Variants in ABCC11 observed in about 807,000 individuals in gnomAD.
ABCC11 encodes the protein ATP-binding cassette sub-family C member 11.
A neutral mutation model predicts 149.3 loss-of-function variants in ABCC11; 135 were observed. That is an observed-to-expected ratio of 0.90 (90% CI 0.79 to 1.04). The LOEUF is 1.04. ABCC11 is among the 50% of genes least tolerant of loss of function. ABCC11 has a pLI of 0.00. For synonymous variants in ABCC11, 665 were observed against 671.4 expected, an observed-to-expected ratio of 0.99 and a Z score of 0.15; for missense variants, 1,680 against 1,722.1, an observed-to-expected ratio of 0.98 and a Z score of 0.43.
intron 22 of ABCC11, 101 bp from the exon 23 acceptor site, chr16:48,184,727 C>T (rs1966652737): frequency 8.3e-7 from 1 of 1,204,850 alleles, no homozygotes; most frequent in South Asian, 1.5e-5. Flanking sequence ...TCCAGTTCCC[C>T]ACTCCCAGCA....
rs995975849 is a variant in ABCC11 at position 48,210,874 on chromosome 16, A to G, written c.1608+74T>C. The G allele has an allele frequency of 8.6e-5, 134 of 1,551,536 alleles. 5 individuals are homozygous for G. In the Admixed American group the frequency reaches 2.5e-3, roughly 29 times the overall value. On this transcript the variant is annotated intron_variant, in intron 11 of 29. Transcript: ENST00000356608. ...TTTTTAACCAAGGAAATGGTGGGGCACCTGGCCAAGCTCCTAGCCTCAGGT... is the reference window on the plus strand; with the variant it reads ...TTTTTAACCAAGGAAATGGTGGGGCGCCTGGCCAAGCTCCTAGCCTCAGGT...
At chr16:48,231,973 C>A in intron 1 of ABCC11, 34 bp from the exon 2 acceptor site, 10 of 1,612,310 alleles carry the variant, frequency 6.2e-6, no homozygotes, top group Non-Finnish European at 7.6e-6. Flanking sequence ...TATGAAAAGA[C>A]AGCAGGAGTT....
intron 5 of ABCC11, chr16:48,223,838 C>T (rs561845009): frequency 2.6e-5 from 4 of 153,118 alleles, no homozygotes; most frequent in Admixed American, 6.5e-5. Context: ...CAGAGTTGCT[C>T]AGCCATTTCT....
intron 1 of ABCC11, among the ~76,000 whole-genome samples, chr16:48,235,777 A>T (rs1761627719): frequency 6.6e-6 from 1 of 152,238 alleles, no homozygotes; most frequent in Non-Finnish European, 1.5e-5. Flanking sequence ...AATAGAGAGG[A>T]AACAGCAGAT....
chr16:48,210,980 C>G lies in ABCC11; in HGVS notation c.1576G>C (p.Glu526Gln), dbSNP rs1968872201. The G allele has an allele frequency of 1.2e-6, 2 of 1,614,206 alleles. No individual in the cohort carries two copies. The highest frequency in any genetic ancestry group is 1.7e-6 in the Non-Finnish European group (2 of 1,180,052). Residue 526 changes from glutamate to glutamine, a missense_variant, in exon 11 of 30, where the codon GAG (glutamate) becomes CAG (glutamine). Transcript: ENST00000356608. ...ACCACCAGGTTGATCTTGTGCAACT[C>G]TGGGCCCAGGCTGTTCCCTTCTTCC... ...PEEEGNSLGP[E>Q]LHKINLVVSK...
intron 26 of ABCC11, among the ~76,000 whole-genome samples, chr16:48,171,207 G>A (rs1304632938): frequency 6.6e-6 from 1 of 152,198 alleles, no homozygotes; most frequent in Non-Finnish European, 1.5e-5. Context: ...ATGTGTTCCA[G>A]GGCAGGCTCC....
In ABCC11 at chr16:48,170,942, G is replaced by C. The variant is rs1261873200; in HGVS notation, c.3724C>G (p.His1242Asp). 6 of 1,613,784 alleles carry C rather than the reference G, an allele frequency of 3.7e-6. No individual in the cohort carries two copies. In the East Asian group the frequency reaches 6.7e-5, roughly 18 times the overall value. ...GCATCCCAGATCTGCTGGTCAGTGT[G>C]ACGGTCAAAGGGATCTAGGTTGAAT... ...IRFNLDPFDR[H>D]TDQQIWDALE... is the part of the protein sequence containing the mutation. The change falls in exon 27 of 30, where the codon CAC becomes GAC. Residue 1242 changes from histidine (H) to aspartate (D), a missense_variant. By Grantham distance (81) the His-to-Asp change is moderately conservative. Coordinates refer to ENST00000356608, the MANE Select transcript of ABCC11 (RefSeq NM_001370497.1).
Position 48,192,634 on chromosome 16 carries a change from C to G in ABCC11, c.2592G>C (p.Leu864=), listed in dbSNP as rs537304567. 2.8e-5 allele frequency: 46 copies of G among 1,614,192 alleles called. 1 individual carries two copies. In the South Asian group the frequency reaches 4.8e-4, roughly 17 times the overall value. The change falls in exon 20 of 30, where the codon CTG becomes CTC. Residue 864 remains leucine (L), a synonymous_variant. Transcript: ENST00000356608. ...ADNPQLSFYQ[L]VYGLNALLLI... is the part of the protein sequence containing the mutation. ...GGAGCAGGGCGTTGAGCCCGTACAC[C>G]AGCTGGTAGAAGGACAGTTGAGGAT... is the stretch of plus-strand genomic sequence containing the variant.
chr16:48,196,060 G>A (rs184712715), intron 18 of ABCC11, among the ~76,000 whole-genome samples, 172 bp downstream of exon 18: 1 of 152,260 alleles, frequency 6.6e-6, no homozygotes, highest in East Asian at 1.9e-4. Context: ...CCTTGGCTTT[G>A]GTGGTAGAGT....
At chr16:48,209,770 CTCGACT>C (rs1268084423) in intron 11 of ABCC11, 1 of 152,138 alleles carries the variant, frequency 6.6e-6, no homozygotes, top group East Asian at 1.9e-4. Context: ...GCACTAAAAT[CTCGACT>C]TCACCACAAT....
chr16:48,195,088 A>G (rs1967273750), intron 18 of ABCC11, among the ~76,000 whole-genome samples: 1 of 152,160 alleles, frequency 6.6e-6, no homozygotes, highest in South Asian at 2.1e-4. Context: ...CCGTGCCCAC[A>G]GTCTTTTCCC....
chr16:48,192,547 C>T lies in ABCC11; in HGVS notation c.2679G>A (p.Thr893=), dbSNP rs144318062. 725 of 1,614,238 alleles carry T rather than the reference C, an allele frequency of 4.5e-4. No individual in the cohort carries two copies. The highest frequency in any genetic ancestry group is 1.1e-3 in the Admixed American group (64 of 60,030). The change falls in exon 20 of 30, where the codon ACG becomes ACA. Residue 893 remains threonine, a synonymous_variant. Transcript: ENST00000356608. The part of the protein sequence containing the change: ...IFTKVTRKAS[T]ALHNKLFNKV... ...TGTTGAAGAGCTTGTTGTGCAGGGC[C>T]GTGGATGCCTTCCTCGTGACCTTGG...
In ABCC11 at chr16:48,167,108, A is replaced by C; in HGVS notation, c.*166T>G. On this transcript the variant is annotated 3_prime_UTR_variant, in exon 30 of 30. Coordinates refer to ENST00000356608, the MANE Select transcript of ABCC11 (RefSeq NM_001370497.1). ...GGTCTTGAGAGCCATCAAGTAGCCT[A>C]TTCCAGGGTTTCCATCCAGCAATCC... 5.1e-5 allele frequency: 31 copies of C among 606,140 alleles called. No homozygotes were observed. The highest frequency in any genetic ancestry group is 1.4e-4 in the East Asian group (5 of 35,262). 37.5% of individuals were successfully genotyped at this position (606,140 alleles called of 1,614,324 possible).
chr16:48,238,172 A>G (rs1321167298), intron 1 of ABCC11, among the ~76,000 whole-genome samples: 3 of 152,232 alleles, frequency 2.0e-5, no homozygotes, highest in African/African-American at 7.2e-5. Context: ...CAGTGAATGA[A>G]TGAAAGAAGG....
intron 19 of ABCC11, among the ~76,000 whole-genome samples, chr16:48,193,248 A>G (rs1000266390): frequency 1.3e-5 from 2 of 152,182 alleles, no homozygotes; most frequent in Admixed American, 6.5e-5. Context: ...AAATCCTTGG[A>G]AGCTCTAAAT....
In ABCC11 at chr16:48,198,176, G is replaced by A. The variant is rs763711332; in HGVS notation, c.2182C>T (p.Gln728Ter). 1.9e-6 allele frequency: 3 copies of A among 1,614,132 alleles called. No homozygotes were observed. The highest frequency in any genetic ancestry group is 1.1e-5 in the South Asian group (1 of 91,080). ...TCCTTGTGCATCTTCTGGATAAGTTGGGCATATTTCCCCTTTTTCTGCATT... is the reference window on the plus strand; with the variant it reads ...TCCTTGTGCATCTTCTGGATAAGTTAGGCATATTTCCCCTTTTTCTGCATT... ...ELMQKKGKYA[Q>*]LIQKMHKEAT... Residue 728 changes from glutamine (Q) to a stop codon, truncating the protein, a stop_gained, in exon 16 of 30, where the codon CAA becomes TAA. Coordinates refer to ENST00000356608, the MANE Select transcript of ABCC11 (RefSeq NM_001370497.1). LOFTEE classifies it high-confidence loss of function.
chr16:48,244,200 A>C, intron 1 of ABCC11: 1 of 511,566 alleles, frequency 2.0e-6, no homozygotes. Context: ...TAGGACGCTC[A>C]AGTCTTACCG....
Position 48,216,305 on chromosome 16 carries a change from G to T in ABCC11, c.778-18C>A, listed in dbSNP as rs1213277366. On this transcript the variant is annotated intron_variant, in intron 6 of 29. Transcript: ENST00000356608. ...CTGATGGCCTGCAAGACAGCAAGTT[G>T]ATGGGCACAGATGTCACCTCCCTGG... 2 of 1,607,264 alleles carry T rather than the reference G, an allele frequency of 1.2e-6. No homozygotes were observed. The highest frequency in any genetic ancestry group is 1.3e-5 in the African/African-American group (1 of 74,794).
chr16:48,187,470 G>A, intron 20 of ABCC11, 43 bp from the exon 21 acceptor site: 1 of 1,516,478 alleles, frequency 6.6e-7, no homozygotes, highest in South Asian at 1.2e-5. Context: ...GAAGCTGCAG[G>A]CCCTGCTCAA....
Sources: gnomAD v4.1 joint callset for allele counts (sites outside exome capture counted in the v4.1 genomes callset) on GRCh38, gnomAD v4.1.1 for gene constraint, MANE v1.5 for transcripts, NCBI Gene and HGNC (gene_info 2026-07-23, HGNC 2026-07-21) for gene names.